The following L3MBTL4 variants were observed in gnomAD, a reference collection of about 807,000 sequenced individuals.
The protein encoded by L3MBTL4 is lethal(3)malignant brain tumor-like protein 4.
Under a neutral mutation model 84.5 loss-of-function variants are expected in L3MBTL4, and 70 were observed. That is an observed-to-expected ratio of 0.83 (90% CI 0.68 to 1.01). The LOEUF (loss-of-function observed/expected upper bound fraction) is 1.01. L3MBTL4 is among the 50% of genes least tolerant of loss of function. The pLI, the probability that L3MBTL4 is intolerant of heterozygous loss-of-function variation, is 0.00. For synonymous variants in L3MBTL4, 274 were observed against 259.8 expected (o/e 1.05, Z -0.52); for missense variants, 715 against 754.8 (o/e 0.95, Z 0.62).
chr18:6,118,026 C>T (rs1180697979), intron 14 of L3MBTL4, among the ~76,000 whole-genome samples: 1 of 152,104 alleles, frequency 6.6e-6, no homozygotes, highest in East Asian at 1.9e-4. Context: ...AACCTCTGAT[C>T]TCTGAGGGTA....
At chr18:6,108,677 C>T (rs1182099978) in intron 14 of L3MBTL4, among the ~76,000 whole-genome samples, 1 of 152,132 alleles carries the variant, frequency 6.6e-6, no homozygotes, top group Non-Finnish European at 1.5e-5. Context: ...AATGCCTGTC[C>T]CATTTCTCCT....
intron 16 of L3MBTL4, among the ~76,000 whole-genome samples, chr18:6,047,782 C>T (rs1430159423): frequency 1.3e-5 from 2 of 152,146 alleles, no homozygotes; most frequent in African/African-American, 4.8e-5. Context: ...GTGACAAACC[C>T]ACAGCCAACA....
At chr18:6,197,484 G>C (rs925531732) in intron 12 of L3MBTL4, among the ~76,000 whole-genome samples, 6 of 152,190 alleles carry the variant, frequency 3.9e-5, no homozygotes, top group African/African-American at 1.4e-4. Context: ...TGGTGTATAT[G>C]TACCACATTT....
chr18:6,095,348 T>TTTTTTG (rs1223530397), intron 14 of L3MBTL4, among the ~76,000 whole-genome samples: 28 of 135,120 alleles, frequency 2.1e-4, no homozygotes, highest in African/African-American at 8.5e-4. Context: ...GGAACATGGT[T>TTTTTTG]TTTTTTTTTT....
intron 14 of L3MBTL4, among the ~76,000 whole-genome samples, chr18:6,097,115 T>G (rs2058666011): frequency 1.3e-5 from 2 of 152,218 alleles, no homozygotes; most frequent in Admixed American, 1.3e-4. Context: ...ATCAGAAATT[T>G]TGCATGGTTC....
At chr18:6,286,272 C>A (rs894778363) in intron 4 of L3MBTL4, among the ~76,000 whole-genome samples, 1 of 151,788 alleles carries the variant, frequency 6.6e-6, no homozygotes, top group Non-Finnish European at 1.5e-5. Flanking sequence ...GAGATCAGCA[C>A]TGCCAATATG....
At chr18:6,170,467 A>C (rs1208786541) in intron 13 of L3MBTL4, among the ~76,000 whole-genome samples, 1 of 152,206 alleles carries the variant, frequency 6.6e-6, no homozygotes, top group Non-Finnish European at 1.5e-5. Flanking sequence ...GAGGGAGCAG[A>C]GTCTGGAATG....
intron 12 of L3MBTL4, among the ~76,000 whole-genome samples, chr18:6,184,728 T>G (rs1055818632): frequency 6.6e-6 from 1 of 152,098 alleles, no homozygotes; most frequent in Non-Finnish European, 1.5e-5. Context: ...TGAGGATGGG[T>G]GAAGAGAAGA....
intron 1 of L3MBTL4, among the ~76,000 whole-genome samples, chr18:6,340,518 A>C (rs1384039543): frequency 1.3e-5 from 2 of 152,124 alleles, no homozygotes; most frequent in Non-Finnish European, 2.9e-5. Flanking sequence ...CTGTCTTGCT[A>C]ACCAAGAATA....
intron 1 of L3MBTL4, among the ~76,000 whole-genome samples, chr18:6,351,656 A>T (rs996320456): frequency 6.6e-6 from 1 of 151,540 alleles, no homozygotes; most frequent in Non-Finnish European, 1.5e-5. Flanking sequence ...GGTTCACGCC[A>T]TTCTCCTGCC....
At chr18:5,964,029 G>A (rs1285505904) in intron 17 of L3MBTL4, among the ~76,000 whole-genome samples, 1 of 152,220 alleles carries the variant, frequency 6.6e-6, no homozygotes, top group Admixed American at 6.5e-5. Flanking sequence ...CTTTGGCTCT[G>A]GGCAGTGCCT....
chr18:6,402,104 T>A (rs1421110056), intron 1 of L3MBTL4, among the ~76,000 whole-genome samples: 1 of 152,246 alleles, frequency 6.6e-6, no homozygotes, highest in Non-Finnish European at 1.5e-5. Flanking sequence ...CATAGAGGCA[T>A]AAAATGTCTA....
chr18:6,015,267 T>C (rs759679758), intron 16 of L3MBTL4, among the ~76,000 whole-genome samples: 7 of 151,994 alleles, frequency 4.6e-5, no homozygotes, highest in Middle Eastern at 3.2e-3. Flanking sequence ...GGGTGCCTAG[T>C]AATCAAATTT....
intron 4 of L3MBTL4, among the ~76,000 whole-genome samples, chr18:6,282,783 G>C (rs2146599207): frequency 1.3e-5 from 2 of 152,274 alleles, no homozygotes; most frequent in Non-Finnish European, 2.9e-5. Context: ...GAGCAGGCCT[G>C]GGGAGATCAA....
chr18:6,247,202 T>G (rs79894484), intron 5 of L3MBTL4, among the ~76,000 whole-genome samples: 1,871 of 152,238 alleles, frequency 0.012, 32 homozygotes, highest in African/African-American at 0.043. Context: ...AAACCATAAC[T>G]CAGTTATTAA....
chr18:6,051,538 C>CA (rs71370540), intron 16 of L3MBTL4, among the ~76,000 whole-genome samples: 18,530 of 138,408 alleles, frequency 0.13, 1,442 homozygotes, highest in African/African-American at 0.22. Flanking sequence ...GGCTCTGTCT[C>CA]AAAAAAAAAA....
intron 17 of L3MBTL4, among the ~76,000 whole-genome samples, chr18:5,968,827 G>A (rs944503397): frequency 1.3e-5 from 2 of 152,188 alleles, no homozygotes; most frequent in Non-Finnish European, 2.9e-5. Context: ...CTCATACAAT[G>A]TTGTGACCAA....
At chr18:6,028,750 A>G (rs115028504) in intron 16 of L3MBTL4, among the ~76,000 whole-genome samples, 26 of 152,304 alleles carry the variant, frequency 1.7e-4, no homozygotes, top group African/African-American at 6.0e-4. Flanking sequence ...GAGGTCCTTC[A>G]CAACTTGTAT....
intron 1 of L3MBTL4, chr18:6,397,277 A>T (rs1014772955): frequency 6.6e-6 from 1 of 152,246 alleles, no homozygotes; most frequent in Non-Finnish European, 1.5e-5. Flanking sequence ...TAAGCACATT[A>T]TCTTATTTAG....
Sources: allele counts gnomAD v4.1 joint callset (sites outside exome capture counted in the v4.1 genomes callset), GRCh38; gene constraint gnomAD v4.1.1; transcripts MANE v1.5; gene names NCBI Gene and HGNC (gene_info 2026-07-23, HGNC 2026-07-21).